Variants in ATP2B1 observed in about 807,000 individuals in gnomAD.
ATP2B1 encodes plasma membrane calcium-transporting ATPase 1.
In ATP2B1, 14 loss-of-function variants were observed where a neutral mutation model predicts 124.2. That is an observed-to-expected ratio of 0.11 (90% CI 0.07 to 0.18). The LOEUF (loss-of-function observed/expected upper bound fraction) is 0.18, where lower values mean the gene tolerates loss of function less well. Ranked by LOEUF, ATP2B1 falls within the 10% of genes least tolerant of loss-of-function variation. The pLI, the probability that ATP2B1 is intolerant of heterozygous loss-of-function variation, is 1.00. For synonymous variants in ATP2B1, 449 were observed against 492.4 expected (o/e 0.91, Z 1.17); for missense variants, 763 against 1,466.1 (o/e 0.52, Z 7.83).
intron 1 of ATP2B1, among the ~76,000 whole-genome samples, chr12:89,698,286 T>C (rs762892109): frequency 5.3e-5 from 8 of 152,202 alleles, no homozygotes; most frequent in Admixed American, 3.9e-4. Context: ...TTGTGGTGTA[T>C]CTATACAGTG....
chr12:89,699,587 CT>C (rs1891575843), intron 1 of ATP2B1, among the ~76,000 whole-genome samples: 1 of 152,116 alleles, frequency 6.6e-6, no homozygotes, highest in African/African-American at 2.4e-5. Context: ...TGACTTTGTA[CT>C]TTTTGAGGAG....
At chr12:89,646,890 A>C (rs1347761623) in intron 2 of ATP2B1, among the ~76,000 whole-genome samples, 3 of 152,184 alleles carry the variant, frequency 2.0e-5, no homozygotes, top group Non-Finnish European at 2.9e-5. Context: ...GACAATGATC[A>C]AGTGGAGAAG....
intron 2 of ATP2B1, among the ~76,000 whole-genome samples, chr12:89,643,162 ATG>A (rs1264905893): frequency 3.3e-5 from 5 of 150,542 alleles, no homozygotes; most frequent in Non-Finnish European, 4.4e-5. Flanking sequence ...GTATATATGT[ATG>A]TATGTATATA....
intron 2 of ATP2B1, among the ~76,000 whole-genome samples, chr12:89,645,324 G>A (rs955778349): frequency 4.6e-5 from 7 of 151,970 alleles, no homozygotes; most frequent in East Asian, 3.8e-4. Flanking sequence ...ATAATAAAAC[G>A]AACAGTTTTG....
chr12:89,655,718 A>G lies in ATP2B1; in HGVS notation c.169T>C (p.Tyr57His), dbSNP rs199788279. The G allele has an allele frequency of 6.2e-7, 1 of 1,614,072 alleles. No homozygotes were observed. Among genetic ancestry groups the G allele is most frequent in the Non-Finnish European group, 8.5e-7 (1 of 1,180,024 alleles). The change falls in exon 2 of 21, where the codon TAT becomes CAT. Residue 57 changes from tyrosine to histidine, a missense_variant. Coordinates refer to ENST00000428670, the MANE Select transcript of ATP2B1 (RefSeq NM_001366521.1). ...GTTTTCAATTTGGTGCAAATTCCATAGACATCTCCATAGCTTTCCTGTATT... is the reference window on the plus strand; with the variant it reads ...GTTTTCAATTTGGTGCAAATTCCATGGACATCTCCATAGCTTTCCTGTATT... ...RKIQESYGDV[Y>H]GICTKLKTSP... is the part of the protein sequence containing the mutation.
intron 1 of ATP2B1, among the ~76,000 whole-genome samples, chr12:89,701,906 G>A (rs1891897406): frequency 6.6e-6 from 1 of 152,156 alleles, no homozygotes; most frequent in African/African-American, 2.4e-5. Context: ...AAAAGGATGA[G>A]GGACCACCAG....
intron 1 of ATP2B1, among the ~76,000 whole-genome samples, chr12:89,686,369 C>T (rs553456355): frequency 6.6e-6 from 1 of 152,162 alleles, no homozygotes; most frequent in African/African-American, 2.4e-5. Context: ...AGACCAGACC[C>T]CCTTCTCAAA....
rs1873064595 is a variant in ATP2B1, at chr12:89,588,817, A to C, written c.*2167T>G. ...TTCATATTTAAGCATAACCAAAATA[A>C]AAAAGAAAACTGAAAACATTTCCCT... is the stretch of plus-strand genomic sequence containing the variant. On this transcript the variant is annotated 3_prime_UTR_variant, in exon 21 of 21. Transcript: ENST00000428670. 6.6e-6 allele frequency: 1 copy of C among 152,646 alleles called. No individual in the cohort carries two copies. The highest frequency in any genetic ancestry group is 1.5e-5 in the Non-Finnish European group (1 of 68,030). 9.5% of individuals were successfully genotyped at this position (152,646 alleles called of 1,614,324 possible).
intron 20 of ATP2B1, chr12:89,598,608 CAGT>C: frequency 6.2e-7 from 1 of 1,613,780 alleles, no homozygotes; most frequent in Non-Finnish European, 8.5e-7. Context: ...GTAGTAGAAG[CAGT>C]AGAAGAGGAA....
chr12:89,672,563 G>C (rs912503660), intron 1 of ATP2B1, among the ~76,000 whole-genome samples: 1 of 152,058 alleles, frequency 6.6e-6, no homozygotes, highest in African/African-American at 2.4e-5. Context: ...CCTATCGCGC[G>C]AAATCCTCTT....
chr12:89,663,669 C>G (rs567828487), intron 1 of ATP2B1, among the ~76,000 whole-genome samples: 1 of 152,300 alleles, frequency 6.6e-6, no homozygotes, highest in African/African-American at 2.4e-5. Flanking sequence ...GACAATCTAG[C>G]TTCCTCTTTT....
Position 89,621,612 on chromosome 12 carries a change from T to C in ATP2B1, c.1524A>G (p.Pro508=). Residue 508 remains proline, a synonymous_variant, in exon 10 of 21, where the codon CCA becomes CCG. Transcript: ENST00000428670. ...KKVPEPEAIP[P]NILSYLVTGI... ...CTGTTACAAGATAGGACAAAATATT[T>C]GGTGGAATAGCTTCTGGTTCAGGAA... The C allele has an allele frequency of 6.2e-7, 1 of 1,610,338 alleles. No individual in the cohort carries two copies. Among genetic ancestry groups the C allele is most frequent in the Non-Finnish European group, 8.5e-7 (1 of 1,177,396 alleles).
chr12:89,632,768 T>A (rs1443829286), intron 5 of ATP2B1, among the ~76,000 whole-genome samples: 1 of 152,184 alleles, frequency 6.6e-6, no homozygotes, highest in East Asian at 1.9e-4. Flanking sequence ...GCAGAAAAAC[T>A]TTCCCACCCA....
At chr12:89,662,948 C>T (rs189800746) in intron 1 of ATP2B1, among the ~76,000 whole-genome samples, 1 of 152,252 alleles carries the variant, frequency 6.6e-6, no homozygotes, top group African/African-American at 2.4e-5. Flanking sequence ...ATTTGTTCTT[C>T]TATTATAGCC....
rs759304954 is a variant in ATP2B1, at chr12:89,599,312, G to A, written c.3169-13C>T. 15 of 1,611,692 alleles carry A rather than the reference G, an allele frequency of 9.3e-6. No homozygotes were observed. Among genetic ancestry groups the A allele is most frequent in the Non-Finnish European group, 1.2e-5 (14 of 1,178,730 alleles). On this transcript the variant is annotated splice_polypyrimidine_tract_variant and intron_variant, in intron 19 of 20. Transcript: ENST00000428670. ...TTGTTGAAATAAGCTACAACACAGG[G>A]GAATGAACTTAGAAATAAATCATAT...
rs371640664 is a variant in ATP2B1, at chr12:89,590,824, C to CT, written c.*159dup. ...ACCCTCAGTCTGGCAGAAAGCTTTG[C>CT]TTTTTTTTTTTTAAAAAAATAAATC... On this transcript the variant is annotated 3_prime_UTR_variant, in exon 21 of 21. Coordinates refer to ENST00000428670, the MANE Select transcript of ATP2B1 (RefSeq NM_001366521.1). The CT allele has an allele frequency of 0.065, 41,354 of 639,808 alleles. 29 individuals are homozygous for CT. Among genetic ancestry groups the CT allele is most frequent in the Middle Eastern group, 0.086 (183 of 2,128 alleles). The allele number at this position is 639,808 out of a possible 1,614,324, so 39.6% of individuals were successfully genotyped here.
In ATP2B1 at chr12:89,664,757, T is replaced by C. The variant is rs562329678; in HGVS notation, c.-221-8650A>G. Among the ~76,000 whole-genome samples the C allele has an allele frequency of 4.6e-5, 7 of 152,288 alleles. No individual in the cohort carries two copies. The South Asian group carries it at 1.0e-3, about 23-fold the overall frequency. ...CTGACAGAAAGTGTAGCCTCAACCT[T>C]GACTAGGGAACAAACTGCTGGATTG... On this transcript the variant is annotated intron_variant, in intron 1 of 20. Coordinates refer to ENST00000428670, the MANE Select transcript of ATP2B1 (RefSeq NM_001366521.1).
At position 89,588,357 on chromosome 12, in the gene ATP2B1, G is replaced by T. The variant is rs560640090; in HGVS notation, c.*2627C>A. The T allele has an allele frequency of 1.3e-5, 2 of 152,614 alleles. No individual in the cohort carries two copies. The highest frequency in any genetic ancestry group is 4.1e-4 in the South Asian group (2 of 4,832). The allele number at this position is 152,614 out of a possible 1,614,324, so 9.5% of individuals were successfully genotyped here. ...ACAAGGAGTAACTCATCTTCAAAGT[G>T]CAAGTAAGTCTATTTACAACCACAA... On this transcript the variant is annotated 3_prime_UTR_variant, in exon 21 of 21. Coordinates refer to ENST00000428670, the MANE Select transcript of ATP2B1 (RefSeq NM_001366521.1).
intron 1 of ATP2B1, among the ~76,000 whole-genome samples, chr12:89,698,943 G>C (rs1891501226): frequency 6.6e-6 from 1 of 152,174 alleles, no homozygotes; most frequent in Admixed American, 6.5e-5. Flanking sequence ...AGTGTGCATA[G>C]CCTTCTCCAG....
Sources: gnomAD v4.1 joint callset for allele counts (sites outside exome capture counted in the v4.1 genomes callset) on GRCh38, gnomAD v4.1.1 for gene constraint, MANE v1.5 for transcripts, NCBI Gene and HGNC (gene_info 2026-07-23, HGNC 2026-07-21) for gene names.